Variants in DYNC2I1 observed in about 807,000 individuals in gnomAD.
DYNC2I1 encodes cytoplasmic dynein 2 intermediate chain 1.
A neutral mutation model predicts 133.4 loss-of-function variants in DYNC2I1; 89 were observed. The observed-to-expected ratio is 0.67, with a 90% CI of 0.56 to 0.80. DYNC2I1 has a LOEUF of 0.80. Among genes scored for constraint, DYNC2I1 ranks in the 30% least tolerant of loss-of-function variants. DYNC2I1 has a pLI of 0.00. For synonymous variants in DYNC2I1, 504 were observed against 484.3 expected (o/e 1.04, Z -0.54); for missense variants, 1,291 against 1,314.5 (o/e 0.98, Z 0.28).
chr7:158,928,362 T>C (rs1458240944), intron 20 of DYNC2I1, among the ~76,000 whole-genome samples: 2 of 152,142 alleles, frequency 1.3e-5, no homozygotes, highest in Non-Finnish European at 2.9e-5. Flanking sequence ...CAGGGGTGTT[T>C]TCCCATGTAG....
At chr7:158,865,798 C>A (rs1022506359) in intron 1 of DYNC2I1, among the ~76,000 whole-genome samples, 5 of 152,096 alleles carry the variant, frequency 3.3e-5, no homozygotes, top group Non-Finnish European at 1.5e-5. Context: ...TTTAAAAGGC[C>A]TTGGCAGAAG....
intron 5 of DYNC2I1, among the ~76,000 whole-genome samples, chr7:158,882,898 G>T (rs946759183): frequency 1.4e-5 from 2 of 148,088 alleles, no homozygotes; most frequent in Admixed American, 6.7e-5. Context: ...AAAAGGAAAA[G>T]AAATGAACAG....
In DYNC2I1 at chr7:158,901,816, A is replaced by C. The variant is rs779828292; in HGVS notation, c.1137A>C (p.Glu379Asp). 7.0e-6 allele frequency: 11 copies of C among 1,561,432 alleles called. No homozygotes were observed. The South Asian group carries it at 1.3e-4, about 19-fold the overall frequency. The change falls in exon 9 of 25, where the codon GAA (glutamate) becomes GAC (aspartate). Residue 379 changes from glutamate (E) to aspartate (D), a missense_variant and splice_region_variant. By Grantham distance (45) the Glu-to-Asp change is conservative. Coordinates refer to ENST00000407559, the MANE Select transcript of DYNC2I1 (RefSeq NM_018051.5). ...CAGCCAGTTGTGAAGATGATTTTGA[A>C]GTATGTATAAAAGTTAAAACTTTCC... is the stretch of plus-strand genomic sequence containing the variant. The part of the protein sequence containing the change: ...AYTASCEDDF[E>D]DYEDDFEVCD...
intron 4 of DYNC2I1, among the ~76,000 whole-genome samples, chr7:158,878,770 G>C: frequency 7.1e-6 from 1 of 140,358 alleles, no homozygotes; most frequent in East Asian, 2.3e-4. Context: ...GAGGAGGGGA[G>C]GCCAGGAGGG....
chr7:158,926,541 G>A (rs2129487040), intron 19 of DYNC2I1, 78 bp downstream of exon 19: 1 of 1,483,336 alleles, frequency 6.7e-7, no homozygotes, highest in Non-Finnish European at 9.3e-7. Context: ...GAATGGCGCA[G>A]GGGGCGGGAC....
intron 24 of DYNC2I1, among the ~76,000 whole-genome samples, chr7:158,943,405 G>A (rs1296664867): frequency 6.6e-6 from 1 of 152,188 alleles, no homozygotes; most frequent in Admixed American, 6.5e-5. Context: ...AATGAGCAGA[G>A]TGAACGAGGG....
At chr7:158,889,875 G>A (rs7802896) in intron 7 of DYNC2I1, among the ~76,000 whole-genome samples, 9,476 of 151,778 alleles carry the variant, frequency 0.062, 388 homozygotes, top group African/African-American at 0.11. Flanking sequence ...TGTGGTGGTG[G>A]CCTCCTGTAA....
intron 4 of DYNC2I1, among the ~76,000 whole-genome samples, chr7:158,877,875 C>T (rs1843513539): frequency 6.6e-6 from 1 of 152,214 alleles, no homozygotes; most frequent in South Asian, 2.1e-4. Context: ...CAGCCTTGTG[C>T]TGTCATACTC....
At chr7:158,886,893 T>C (rs182743715) in intron 6 of DYNC2I1, 128 bp from the exon 7 acceptor site, 2 of 859,514 alleles carry the variant, frequency 2.3e-6, no homozygotes, top group Admixed American at 2.4e-5. Flanking sequence ...AAGTCATCGC[T>C]CCTGGTTGTA....
In DYNC2I1 at chr7:158,919,952, G is replaced by A. The variant is rs571194701; in HGVS notation, c.1921+1083G>A. Among the ~76,000 whole-genome samples, 10 of 152,140 alleles carry A rather than the reference G, an allele frequency of 6.6e-5. No individual in the cohort carries two copies. In the East Asian group the frequency reaches 1.4e-3, roughly 21 times the overall value. On this transcript the variant is annotated intron_variant, in intron 15 of 24. Transcript: ENST00000407559. Reference sequence around the variant, plus strand: ...CGGCAGTGGTGCCATGGCCTCCGTCGGAGAACACGTGAAGTGTGTGTGTGT... The same window carrying A: ...CGGCAGTGGTGCCATGGCCTCCGTCAGAGAACACGTGAAGTGTGTGTGTGT...
At chr7:158,919,839 C>T (rs1284442806) in intron 15 of DYNC2I1, among the ~76,000 whole-genome samples, 2 of 152,116 alleles carry the variant, frequency 1.3e-5, no homozygotes, top group Admixed American at 1.3e-4. Flanking sequence ...CATCCACACT[C>T]CCACACCCAG....
Position 158,894,852 on chromosome 7 carries a change from C to T in DYNC2I1, c.1059+3519C>T, listed in dbSNP as rs1020271389. On this transcript the variant is annotated intron_variant, in intron 8 of 24. Transcript: ENST00000407559. Reference sequence around the variant, plus strand: ...GTGCCTCCACATCCTCACCTGCATTCGGTGTTGTTGGTGTTCTGGATATAA... The same window carrying T: ...GTGCCTCCACATCCTCACCTGCATTTGGTGTTGTTGGTGTTCTGGATATAA... Among the ~76,000 whole-genome samples the T allele has an allele frequency of 5.5e-5, 8 of 146,474 alleles. 1 individual carries two copies. The highest frequency in any genetic ancestry group is 1.3e-4 in the African/African-American group (5 of 39,348).
At chr7:158,875,976 A>G (rs1005579457) in intron 3 of DYNC2I1, among the ~76,000 whole-genome samples, 1 of 152,352 alleles carries the variant, frequency 6.6e-6, no homozygotes, top group Admixed American at 6.5e-5. Flanking sequence ...TTCAGCAGCA[A>G]ACTGAGTGAG....
At chr7:158,893,539 C>T (rs990784173) in intron 8 of DYNC2I1, among the ~76,000 whole-genome samples, 1 of 152,180 alleles carries the variant, frequency 6.6e-6, no homozygotes, top group African/African-American at 2.4e-5. Flanking sequence ...AATTTATTGA[C>T]TGCAGCACAC....
intron 23 of DYNC2I1, among the ~76,000 whole-genome samples, 172 bp from the exon 24 acceptor site, chr7:158,941,753 G>A (rs1039980892): frequency 6.6e-6 from 1 of 152,108 alleles, no homozygotes; most frequent in Non-Finnish European, 1.5e-5. Context: ...TGGTGCCTGC[G>A]TGTAGTCTCA....
chr7:158,839,815 G>A, the DYNC2I1 span, among the ~76,000 whole-genome samples: 6 of 136,756 alleles, frequency 4.4e-5, no homozygotes, highest in Non-Finnish European at 7.6e-5. Flanking sequence ...ATGAGACTCC[G>A]TCTCAAAAAA....
chr7:158,940,896 A>C, intron 23 of DYNC2I1, among the ~76,000 whole-genome samples: 1 of 152,106 alleles, frequency 6.6e-6, no homozygotes, highest in Non-Finnish European at 1.5e-5. Flanking sequence ...GACTTCAAAT[A>C]AACAATGTAA....
Position 158,930,474 on chromosome 7 carries a change from G to T in DYNC2I1, c.2505G>T (p.Arg835Ser). The T allele has an allele frequency of 6.2e-7, 1 of 1,612,948 alleles. No individual in the cohort carries two copies. The highest frequency in any genetic ancestry group is 8.5e-7 in the Non-Finnish European group (1 of 1,179,556). ...TTTTAGGTCTGATGCCTGGAGGGAG[G>T]GTCAAGCTGGTACATAGTGCTCTGA... ...ISDLGLMPGG[R>S]VKLVHSALIQ... Residue 835 changes from arginine (R) to serine (S), a missense_variant, in exon 21 of 25, where the codon AGG becomes AGT. Coordinates refer to ENST00000407559, the MANE Select transcript of DYNC2I1 (RefSeq NM_018051.5).
intron 20 of DYNC2I1, among the ~76,000 whole-genome samples, chr7:158,928,538 C>T (rs1250527264): frequency 1.3e-5 from 2 of 152,168 alleles, no homozygotes; most frequent in Admixed American, 6.5e-5. Flanking sequence ...AAAAATAAGA[C>T]AGTCGTGGTG....
Sources: allele counts gnomAD v4.1 joint callset (sites outside exome capture counted in the v4.1 genomes callset), GRCh38; gene constraint gnomAD v4.1.1; transcripts MANE v1.5; gene names NCBI Gene and HGNC (gene_info 2026-07-23, HGNC 2026-07-21).